Variants in SLC25A37 observed in about 807,000 individuals in gnomAD.
The protein encoded by SLC25A37 is mitoferrin-1.
A neutral mutation model predicts 31.0 loss-of-function variants in SLC25A37; 17 were observed. The ratio of observed to expected loss-of-function variants is 0.55; its 90% CI spans 0.38 to 0.82. SLC25A37 has a LOEUF of 0.82. Ranked by LOEUF, SLC25A37 falls within the 40% of genes least tolerant of loss-of-function variation. The pLI is 0.00. For synonymous variants in SLC25A37, 222 were observed against 193.0 expected (o/e 1.15, Z -1.24); for missense variants, 404 against 465.8 (o/e 0.87, Z 1.22).
At chr8:23,568,564 G>A in intron 3 of SLC25A37, 186 bp downstream of exon 3, 1 of 646,952 alleles carries the variant, frequency 1.5e-6, no homozygotes, top group Non-Finnish European at 2.7e-6. Flanking sequence ...GAACATAAGA[G>A]TTTTTGGTAT....
chr8:23,546,543 A>AGG (rs1256780576), intron 1 of SLC25A37, among the ~76,000 whole-genome samples: 6 of 22,496 alleles, frequency 2.7e-4, no homozygotes, highest in Admixed American at 1.4e-3. Flanking sequence ...ATATATATAT[A>AGG]TATATATATA....
At chr8:23,567,394 C>G (rs1005265720) in intron 2 of SLC25A37, 9 of 152,202 alleles carry the variant, frequency 5.9e-5, no homozygotes, top group African/African-American at 2.2e-4. Flanking sequence ...TGGGGCCCTT[C>G]TTTTGCTGAA....
intron 1 of SLC25A37, among the ~76,000 whole-genome samples, chr8:23,544,885 C>T (rs1395306327): frequency 6.6e-6 from 1 of 152,178 alleles, no homozygotes; most frequent in East Asian, 1.9e-4. Flanking sequence ...TGCCTGGTGG[C>T]TTTCAGAGAA....
chr8:23,566,674 G>C (rs958997798), intron 2 of SLC25A37: 1 of 1,028,994 alleles, frequency 9.7e-7, no homozygotes, highest in Non-Finnish European at 1.2e-6. Context: ...TCAGACATAG[G>C]AGAAACCCTG....
Position 23,565,398 on chromosome 8 carries a change from A to T in SLC25A37, c.211-710A>T, listed in dbSNP as rs142029979. Among the ~76,000 whole-genome samples, 177 of 152,278 alleles carry T rather than the reference A, an allele frequency of 1.2e-3. 2 individuals carry two copies. The highest frequency in any genetic ancestry group is 4.1e-3 in the African/African-American group (169 of 41,560). On this transcript the variant is annotated intron_variant, in intron 1 of 3. Coordinates refer to ENST00000519973, the MANE Select transcript of SLC25A37 (RefSeq NM_016612.4). ...CAGGTCTCTGCTTCAAGGAGACAAA[A>T]TTATGCATACGAAGAAATTAAGAAT...
intron 3 of SLC25A37, chr8:23,568,673 G>A: frequency 2.5e-6 from 1 of 399,678 alleles, no homozygotes; most frequent in Non-Finnish European, 4.7e-6. Context: ...GGGTGCAGTG[G>A]CTCATGCCTG....
Position 23,575,256 on chromosome 8 carries a change from C to T in SLC25A37, c.*3401C>T, listed in dbSNP as rs192029204. The stretch of plus-strand genomic sequence containing the variant: ...CAAATGTACTGCTGCTTCCTACCTG[C>T]AAGACGAACAATGTATGTTTCAAGG... On this transcript the variant is annotated 3_prime_UTR_variant, in exon 4 of 4. Transcript: ENST00000519973. The T allele has an allele frequency of 6.6e-6, 1 of 152,268 alleles. No homozygotes were observed. The highest frequency in any genetic ancestry group is 1.9e-4 in the East Asian group (1 of 5,164). 9.4% of individuals were successfully genotyped at this position (152,268 alleles called of 1,614,324 possible).
intron 1 of SLC25A37, among the ~76,000 whole-genome samples, chr8:23,533,769 C>T (rs962069515): frequency 2.0e-5 from 3 of 152,150 alleles, no homozygotes; most frequent in South Asian, 2.1e-4. Context: ...TCCGAAATAC[C>T]GGCTGTCATG....
At chr8:23,541,045 C>T (rs1418123405) in intron 1 of SLC25A37, among the ~76,000 whole-genome samples, 4 of 152,224 alleles carry the variant, frequency 2.6e-5, no homozygotes, top group Non-Finnish European at 4.4e-5. Context: ...CACTTAACCT[C>T]TCTCCTTACA....
rs778001302 is a variant in SLC25A37 at position 23,573,263 on chromosome 8, G to C, written c.*1408G>C. 1 of 153,400 alleles carries C rather than the reference G, an allele frequency of 6.5e-6. No homozygotes were observed. Among genetic ancestry groups the C allele is most frequent in the African/African-American group, 2.4e-5 (1 of 41,480 alleles). 9.5% of individuals were successfully genotyped at this position (153,400 alleles called of 1,614,324 possible). On this transcript the variant is annotated 3_prime_UTR_variant, in exon 4 of 4. Coordinates refer to ENST00000519973, the MANE Select transcript of SLC25A37 (RefSeq NM_016612.4). ...CTGCTCTGCGTCACCCGAGAACACA[G>C]GCTTCGCAGCCTCGCTTTCTGAAAT...
Position 23,529,132 on chromosome 8 carries a change from T to A in SLC25A37, c.130T>A (p.Ser44Thr). Residue 44 changes from serine to threonine, a missense_variant, in exon 1 of 4, where the codon TCC (serine) becomes ACC (threonine). Transcript: ENST00000519973. This position sits in a 1 kb window ranked among gnomAD's most constrained non-coding sequence, Gnocchi z 4.1. The stretch of plus-strand genomic sequence containing the variant: ...CTACGAGAACCTGCCGACTAGCGCC[T>A]CCGTGTCCACCCACATGACAGCAGG... ...EDYENLPTSA[S>T]VSTHMTAGAM... 6.2e-7 allele frequency: 1 copy of A among 1,611,498 alleles called. No individual in the cohort carries two copies. Among genetic ancestry groups the A allele is most frequent in the Non-Finnish European group, 8.5e-7 (1 of 1,179,208 alleles).
Position 23,529,365 on chromosome 8 carries a change from G to GC in SLC25A37, c.210+154dup, listed in dbSNP as rs1801615056. 6.6e-6 allele frequency among the ~76,000 whole-genome samples: 1 copy of GC among 151,468 alleles called. No homozygotes were observed. The highest frequency in any genetic ancestry group is 2.4e-5 in the African/African-American group (1 of 41,344). On this transcript the variant is annotated intron_variant, in intron 1 of 3. Coordinates refer to ENST00000519973, the MANE Select transcript of SLC25A37 (RefSeq NM_016612.4). This position sits in a 1 kb window ranked among gnomAD's most constrained non-coding sequence, Gnocchi z 4.1. ...CCGGGGTCGCCCCAGGAGCAGCTGC[G>GC]CGCAGCCTGGGCGCCGCGCCTTCCG... is the stretch of plus-strand genomic sequence containing the variant.
Position 23,571,974 on chromosome 8 carries a change from C to G in SLC25A37, c.*119C>G, listed in dbSNP as rs1242804207. ...GGGTGCTGCCTATGGGCCCTCTGCT[C>G]CCCAATGCCTTAGAGAGAGGAGGGG... On this transcript the variant is annotated 3_prime_UTR_variant, in exon 4 of 4. Transcript: ENST00000519973. 1 of 1,129,122 alleles carries G rather than the reference C, an allele frequency of 8.9e-7. No individual in the cohort carries two copies. The highest frequency in any genetic ancestry group is 1.3e-6 in the Non-Finnish European group (1 of 797,338). 69.9% of individuals were successfully genotyped at this position (1,129,122 alleles called of 1,614,324 possible). A position where few individuals can be genotyped will look rare whatever the true frequency, so the allele number is the denominator to read the frequency against.
At chr8:23,565,685 A>G (rs1802634140) in intron 1 of SLC25A37, among the ~76,000 whole-genome samples, 1 of 152,250 alleles carries the variant, frequency 6.6e-6, no homozygotes, top group Non-Finnish European at 1.5e-5. Flanking sequence ...CTTCACAACC[A>G]GAGTGGGCAC....
chr8:23,541,165 G>A (rs955791927), intron 1 of SLC25A37, among the ~76,000 whole-genome samples: 3 of 152,052 alleles, frequency 2.0e-5, no homozygotes, highest in Non-Finnish European at 4.4e-5. Context: ...TCGTGGTAAT[G>A]TAGACAGGGG....
At chr8:23,546,628 A>ATC in intron 1 of SLC25A37, among the ~76,000 whole-genome samples, 1 of 144,330 alleles carries the variant, frequency 6.9e-6, no homozygotes, top group Non-Finnish European at 1.5e-5. Flanking sequence ...GTGTATATAT[A>ATC]TATATATTTG....
intron 1 of SLC25A37, chr8:23,531,927 GTTA>G (rs1250273219): frequency 6.6e-6 from 1 of 152,174 alleles, no homozygotes; most frequent in African/African-American, 2.4e-5. Flanking sequence ...AATAAAAGAA[GTTA>G]TTAGTGAGAG....
intron 1 of SLC25A37, among the ~76,000 whole-genome samples, chr8:23,562,475 G>C (rs1802541489): frequency 1.3e-5 from 2 of 152,202 alleles, no homozygotes. Flanking sequence ...GGGTTAGTTT[G>C]TTCATCAATT....
chr8:23,566,447 C>T (rs930044256), intron 2 of SLC25A37, 111 bp downstream of exon 2: 24 of 1,489,636 alleles, frequency 1.6e-5, no homozygotes, highest in Admixed American at 3.0e-5. Flanking sequence ...CGCTTGCTCA[C>T]GAATAAAGAA....
Sources: allele counts gnomAD v4.1 joint callset (sites outside exome capture counted in the v4.1 genomes callset), GRCh38; gene constraint gnomAD v4.1.1; non-coding constraint Gnocchi (gnomAD v3.1); transcripts MANE v1.5; gene names NCBI Gene and HGNC (gene_info 2026-07-23, HGNC 2026-07-21).